DCDC1: variants seen among roughly 807,000 people sequenced by gnomAD.
The protein encoded by DCDC1 is doublecortin domain containing 1.
In DCDC1, 200 loss-of-function variants were observed where a neutral mutation model predicts 178.3. The observed-to-expected ratio is 1.12, with a 90% CI of 1.00 to 1.26. DCDC1 has a LOEUF of 1.26. Ranked by LOEUF, DCDC1 falls within the 50% of genes most tolerant of loss-of-function variation. The probability of loss-of-function intolerance (pLI) is 0.00; values close to 1 mark genes in which losing one functional copy is unlikely to be tolerated. For missense variants in DCDC1, 1,983 were observed against 1,749.2 expected (o/e 1.13, Z -2.38); for synonymous variants, 690 against 604.8 (o/e 1.14, Z -2.07).
chr11:31,176,531 C>A (rs775238148), intron 9 of DCDC1, among the ~76,000 whole-genome samples: 4 of 152,072 alleles, frequency 2.6e-5, no homozygotes, highest in Non-Finnish European at 4.4e-5. Context: ...ATATGAACAT[C>A]TAGATTCAGG....
chr11:30,977,572 T>C (rs1410783659), intron 20 of DCDC1, among the ~76,000 whole-genome samples: 1 of 152,234 alleles, frequency 6.6e-6, no homozygotes, highest in Non-Finnish European at 1.5e-5. Context: ...AATGAATATA[T>C]TTGTTCATAA....
intron 1 of DCDC1, among the ~76,000 whole-genome samples, chr11:31,336,472 T>C (rs1950279078): frequency 6.6e-6 from 1 of 152,206 alleles, no homozygotes; most frequent in Non-Finnish European, 1.5e-5. Context: ...TTGCAGGACA[T>C]TGTTAGGACT....
chr11:31,290,674 A>G lies in DCDC1; in HGVS notation c.933T>C (p.Ile311=). ...KNGMGQDGHE[I]TVGKETMKKV... ...TTTTCATTGTTTCTTTTCCCACTGTAATCTCATGCCCATCCTGCCCCATGC... is the reference window on the plus strand; with the variant it reads ...TTTTCATTGTTTCTTTTCCCACTGTGATCTCATGCCCATCCTGCCCCATGC... The change falls in exon 7 of 39, where the codon ATT becomes ATC. Residue 311 remains isoleucine (I), a synonymous_variant. Transcript: ENST00000684477. 6.2e-7 allele frequency: 1 copy of G among 1,612,458 alleles called. No individual in the cohort carries two copies. The highest frequency in any genetic ancestry group is 8.5e-7 in the Non-Finnish European group (1 of 1,179,248).
At chr11:31,134,276 C>T (rs912603255) in intron 10 of DCDC1, among the ~76,000 whole-genome samples, 3 of 152,196 alleles carry the variant, frequency 2.0e-5, no homozygotes, top group African/African-American at 7.2e-5. Context: ...GACATTGTGT[C>T]TCATAGACCT....
intron 1 of DCDC1, among the ~76,000 whole-genome samples, chr11:31,344,431 C>T (rs1419734603): frequency 6.6e-6 from 1 of 152,178 alleles, no homozygotes; most frequent in South Asian, 2.1e-4. Context: ...ACATTCCTGT[C>T]CTTAGTGGTT....
chr11:31,293,535 G>T (rs1947381935), intron 6 of DCDC1, among the ~76,000 whole-genome samples: 1 of 152,092 alleles, frequency 6.6e-6, no homozygotes, highest in Admixed American at 6.5e-5. Context: ...CAGAGCGAAT[G>T]CCTCCTCAAA....
intron 11 of DCDC1, among the ~76,000 whole-genome samples, chr11:31,112,921 C>A (rs925402699): frequency 6.6e-6 from 1 of 152,130 alleles, no homozygotes; most frequent in Non-Finnish European, 1.5e-5. Context: ...AACTAAGATT[C>A]CTGCTCTCAA....
intron 13 of DCDC1, among the ~76,000 whole-genome samples, chr11:31,105,824 T>C (rs1487168404): frequency 6.6e-6 from 1 of 152,196 alleles, no homozygotes; most frequent in Non-Finnish European, 1.5e-5. Flanking sequence ...TTTGAATATA[T>C]AGCAAATCCA....
At chr11:30,996,894 A>G (rs537310786) in intron 20 of DCDC1, among the ~76,000 whole-genome samples, 3 of 152,244 alleles carry the variant, frequency 2.0e-5, no homozygotes, top group Non-Finnish European at 4.4e-5. Context: ...GTACATGAAC[A>G]TGTATAGCAG....
At chr11:31,001,538 C>T (rs1031635340) in intron 20 of DCDC1, among the ~76,000 whole-genome samples, 2 of 152,136 alleles carry the variant, frequency 1.3e-5, no homozygotes, top group African/African-American at 2.4e-5. Flanking sequence ...GCTTTCTCTG[C>T]CACCGCAGCG....
chr11:31,092,192 A>G (rs1957861054), intron 16 of DCDC1, among the ~76,000 whole-genome samples: 1 of 152,170 alleles, frequency 6.6e-6, no homozygotes, highest in Non-Finnish European at 1.5e-5. Context: ...TTAAAACAGG[A>G]AGAGAGAGTT....
At chr11:31,182,180 T>G (rs997504914) in intron 9 of DCDC1, among the ~76,000 whole-genome samples, 2 of 152,140 alleles carry the variant, frequency 1.3e-5, no homozygotes, top group African/African-American at 4.8e-5. Context: ...CAGGACATTA[T>G]CCAGGAAAAC....
At chr11:31,331,589 AG>A (rs1949991809) in intron 2 of DCDC1, among the ~76,000 whole-genome samples, 1 of 152,200 alleles carries the variant, frequency 6.6e-6, no homozygotes, top group Non-Finnish European at 1.5e-5. Context: ...TTTAGCACAA[AG>A]GACTGTTGAA....
At position 30,915,507 on chromosome 11, in the gene DCDC1, T is replaced by C; in HGVS notation, c.3653+4A>G. ...TATAGTAAACCCAAATATAATGGGA[T>C]TACCTGCTGTCTTCCTGGTGTATCC... On this transcript the variant is annotated splice_donor_region_variant and intron_variant, in intron 27 of 38. Coordinates refer to ENST00000684477, the MANE Select transcript of DCDC1 (RefSeq NM_001387274.1). The C allele has an allele frequency of 6.2e-7, 1 of 1,613,866 alleles. No homozygotes were observed.
At chr11:31,089,954 A>G (rs1957709401) in intron 17 of DCDC1, among the ~76,000 whole-genome samples, 1 of 152,126 alleles carries the variant, frequency 6.6e-6, no homozygotes, top group Non-Finnish European at 1.5e-5. Flanking sequence ...ATAACTGTGG[A>G]CTAAATGAGC....
At chr11:31,236,258 C>T (rs966933236) in intron 9 of DCDC1, among the ~76,000 whole-genome samples, 1 of 152,034 alleles carries the variant, frequency 6.6e-6, no homozygotes, top group African/African-American at 2.4e-5. Flanking sequence ...CAATATTGCA[C>T]TTACTGTACT....
chr11:31,219,768 C>T (rs1052953621), intron 9 of DCDC1, among the ~76,000 whole-genome samples: 1 of 152,044 alleles, frequency 6.6e-6, no homozygotes, highest in Non-Finnish European at 1.5e-5. Flanking sequence ...TTCTATAAGC[C>T]AGGCACCATA....
At chr11:31,205,278 G>A (rs1420047299) in intron 9 of DCDC1, among the ~76,000 whole-genome samples, 1 of 152,160 alleles carries the variant, frequency 6.6e-6, no homozygotes, top group African/African-American at 2.4e-5. Flanking sequence ...GCAGAGATTA[G>A]TAGTTGAAAC....
intron 25 of DCDC1, among the ~76,000 whole-genome samples, chr11:30,917,529 C>T (rs977887452): frequency 6.6e-6 from 1 of 152,140 alleles, no homozygotes; most frequent in Non-Finnish European, 1.5e-5. Context: ...AGCATCTGCA[C>T]ATATGAGCCA....
Sources: allele counts gnomAD v4.1 joint callset (sites outside exome capture counted in the v4.1 genomes callset), GRCh38; gene constraint gnomAD v4.1.1; transcripts MANE v1.5; gene names NCBI Gene and HGNC (gene_info 2026-07-23, HGNC 2026-07-21).